The following TEX9 variants were observed in gnomAD, a reference collection of about 807,000 sequenced individuals.
TEX9 encodes testis-expressed protein 9.
A neutral mutation model predicts 59.6 loss-of-function variants in TEX9; 74 were observed. The ratio of observed to expected loss-of-function variants is 1.24; its 90% CI spans 1.03 to 1.51. The LOEUF (loss-of-function observed/expected upper bound fraction) is 1.51. TEX9 is among the 40% of genes most tolerant of loss of function. The pLI is 0.00. For missense variants in TEX9, 522 were observed against 447.8 expected (o/e 1.17, Z -1.49); for synonymous variants, 186 against 152.2 (o/e 1.22, Z -1.64).
intron 12 of TEX9, chr15:56,431,585 G>T: frequency 7.6e-7 from 1 of 1,311,658 alleles, no homozygotes. Flanking sequence ...CAATGAATTA[G>T]ATAAAATTGA....
intron 4 of TEX9, among the ~76,000 whole-genome samples, chr15:56,387,923 G>T (rs1596160727): frequency 6.6e-6 from 1 of 152,080 alleles, no homozygotes; most frequent in Admixed American, 6.6e-5. Flanking sequence ...GTATAAAAAT[G>T]AATTGCATTT....
intron 12 of TEX9, among the ~76,000 whole-genome samples, chr15:56,436,002 G>T (rs1271116398): frequency 6.6e-6 from 1 of 151,906 alleles, no homozygotes; most frequent in African/African-American, 2.4e-5. Flanking sequence ...AAAAATCAAT[G>T]TAATATACTT....
At chr15:56,455,531 G>A in the TEX9 span, among the ~76,000 whole-genome samples, 2 of 152,106 alleles carry the variant, frequency 1.3e-5, no homozygotes, top group African/African-American at 2.4e-5. Flanking sequence ...GCTCAATTAA[G>A]ATAAAATGTA....
chr15:56,312,245 C>T, intron 1 of TEX9, among the ~76,000 whole-genome samples: 1 of 141,204 alleles, frequency 7.1e-6, no homozygotes, highest in Non-Finnish European at 1.6e-5. Flanking sequence ...ATGGTAATGC[C>T]TAGGTTTTCT....
chr15:56,376,673 A>G (rs2047469203), intron 3 of TEX9, among the ~76,000 whole-genome samples: 1 of 152,038 alleles, frequency 6.6e-6, no homozygotes, highest in Admixed American at 6.6e-5. Flanking sequence ...GTCGATGGGT[A>G]GTTTGAAAAT....
intron 10 of TEX9, among the ~76,000 whole-genome samples, chr15:56,422,714 G>A (rs2050042922): frequency 6.6e-6 from 1 of 151,946 alleles, no homozygotes; most frequent in East Asian, 1.9e-4. Flanking sequence ...TAGTTCAGTA[G>A]TGTAACATAG....
At chr15:56,406,598 T>C (rs1040192573) in intron 9 of TEX9, among the ~76,000 whole-genome samples, 1 of 152,212 alleles carries the variant, frequency 6.6e-6, no homozygotes, top group South Asian at 2.1e-4. Context: ...CTCTGTATCA[T>C]CACCAACACT....
intron 1 of TEX9, among the ~76,000 whole-genome samples, chr15:56,289,493 C>T (rs1006028657): frequency 2.0e-5 from 3 of 152,058 alleles, no homozygotes; most frequent in Admixed American, 1.3e-4. Context: ...GCTCTGTCAG[C>T]TGGGGGTTGT....
At chr15:56,385,771 C>A (rs756268078) in intron 4 of TEX9, among the ~76,000 whole-genome samples, 14 of 152,036 alleles carry the variant, frequency 9.2e-5, no homozygotes, top group Non-Finnish European at 1.6e-4. Flanking sequence ...CCCCGCCTTC[C>A]AGTATTCTAA....
At chr15:56,316,819 C>A (rs1596084125) in intron 1 of TEX9, among the ~76,000 whole-genome samples, 1 of 152,330 alleles carries the variant, frequency 6.6e-6, no homozygotes, top group East Asian at 1.9e-4. Flanking sequence ...GAGCGTAGGA[C>A]CCTCCAAGCC....
At chr15:56,280,165 G>A (rs2044780440) in intron 1 of TEX9, among the ~76,000 whole-genome samples, 1 of 152,132 alleles carries the variant, frequency 6.6e-6, no homozygotes, top group African/African-American at 2.4e-5. Flanking sequence ...TTAACTTATG[G>A]CATTTTTAAC....
At chr15:56,369,976 ATCTT>A (rs2047118535) in intron 2 of TEX9, among the ~76,000 whole-genome samples, 1 of 128,842 alleles carries the variant, frequency 7.8e-6, no homozygotes, top group South Asian at 2.7e-4. Context: ...TGCAGTGTCT[ATCTT>A]TCTTCATCCC....
the TEX9 span, chr15:56,456,391 T>C: frequency 9.4e-6 from 15 of 1,600,920 alleles, no homozygotes; most frequent in South Asian, 5.7e-5. Context: ...GAAACCAAGA[T>C]ACCTGTTTTC....
In TEX9 at chr15:56,299,748, C is replaced by A. The variant is rs144221118; in HGVS notation, c.-107+55470C>A. Among the ~76,000 whole-genome samples the A allele has an allele frequency of 3.9e-3, 588 of 152,224 alleles. 3 individuals are homozygous for A. The highest frequency in any genetic ancestry group is 0.014 in the African/African-American group (574 of 41,536). ...AGAGTCATAAGGCCCCCATTCCAGG[C>A]CCTTGCTCCAAAATGACATTTCTAG... On this transcript the variant is annotated intron_variant, in intron 1 of 5. Transcript: ENST00000560827.
At position 56,339,298 on chromosome 15, in the gene TEX9, G is replaced by A. The variant is rs184883277; in HGVS notation, c.-106-34143G>A. Among the ~76,000 whole-genome samples, 51 of 142,994 alleles carry A rather than the reference G, an allele frequency of 3.6e-4. 1 individual carries two copies. In the East Asian group the frequency reaches 9.6e-3, roughly 27 times the overall value. 93.8% of individuals were successfully genotyped at this position (142,994 alleles called of 152,430 possible). On this transcript the variant is annotated intron_variant, in intron 1 of 5. Transcript: ENST00000560827. ...CTCAGGAGGCTGAGGCAGGAGAATC[G>A]CTTGAACCCAGGAGGTGGAGGTTGC... is the stretch of plus-strand genomic sequence containing the variant.
rs540631223 is a variant in TEX9 at position 56,258,632 on chromosome 15, A to G, written c.-107+14354A>G. On this transcript the variant is annotated intron_variant, in intron 1 of 5. Coordinates refer to the TEX9 transcript ENST00000560827. ...GAATGCTAGCGATTTTTGCACATTG[A>G]TTTTTGTGTCACTCTTTTTCCTTTC... Among the ~76,000 whole-genome samples the G allele has an allele frequency of 5.9e-5, 9 of 151,884 alleles. No homozygotes were observed. The South Asian group carries it at 1.7e-3, about 28-fold the overall frequency.
Position 56,373,180 on chromosome 15 carries a change from A to G in TEX9, c.120-261A>G, listed in dbSNP as rs549151112. Among the ~76,000 whole-genome samples the G allele has an allele frequency of 4.5e-4, 69 of 152,314 alleles. 1 individual carries two copies. Among genetic ancestry groups the G allele is most frequent in the African/African-American group, 1.6e-3 (68 of 41,562 alleles). ...CACCCAGCTTATTCTTCCCAAATAT[A>G]TTAGATAAGTTACGTCACTTGAAAT... is the stretch of plus-strand genomic sequence containing the variant. On this transcript the variant is annotated intron_variant, in intron 2 of 12. Coordinates refer to ENST00000352903, the Ensembl canonical transcript of TEX9.
At chr15:56,348,033 G>T (rs1596107896) in intron 1 of TEX9, among the ~76,000 whole-genome samples, 1 of 152,080 alleles carries the variant, frequency 6.6e-6, no homozygotes, top group African/African-American at 2.4e-5. Flanking sequence ...AGACATCCAT[G>T]TTGGTAATGG....
Position 56,427,029 on chromosome 15 carries a change from T to A in TEX9, c.964-576T>A, listed in dbSNP as rs563655341. Among the ~76,000 whole-genome samples the A allele has an allele frequency of 3.3e-5, 5 of 152,060 alleles. No homozygotes were observed. The East Asian group carries it at 7.7e-4, about 23-fold the overall frequency. On this transcript the variant is annotated intron_variant, in intron 10 of 12. Coordinates refer to ENST00000352903, the Ensembl canonical transcript of TEX9. ...AGCATTTGAGGGAAATACGTATGCA[T>A]GTTTTGAGGGCTCTGTTTTTCTAGA...
Sources: gnomAD v4.1 joint callset for allele counts (sites outside exome capture counted in the v4.1 genomes callset) on GRCh38, gnomAD v4.1.1 for gene constraint, MANE v1.5 for transcripts, NCBI Gene and HGNC (gene_info 2026-07-23, HGNC 2026-07-21) for gene names.